FKBP9: variants seen among roughly 807,000 people sequenced by gnomAD.
FKBP9 encodes the protein FKBP prolyl isomerase 9, also known as peptidyl-prolyl cis-trans isomerase FKBP9.
Under a neutral mutation model 55.6 loss-of-function variants are expected in FKBP9, and 27 were observed. The ratio of observed to expected loss-of-function variants is 0.49; its 90% CI spans 0.36 to 0.67. FKBP9 has a LOEUF of 0.67. FKBP9 is among the 30% of genes least tolerant of loss of function. The pLI, the probability that FKBP9 is intolerant of heterozygous loss-of-function variation, is 0.00. For synonymous variants in FKBP9, 267 were observed against 296.5 expected (o/e 0.90, Z 1.02); for missense variants, 539 against 742.8 (o/e 0.73, Z 3.19).
chr7:32,997,399 G>C (rs1784839068), intron 7 of FKBP9, among the ~76,000 whole-genome samples: 2 of 150,416 alleles, frequency 1.3e-5, no homozygotes, highest in Admixed American at 6.6e-5. Context: ...TTTTTTTAGA[G>C]ATGGGGGGGG....
Position 32,974,616 on chromosome 7 carries a change from G to T in FKBP9, c.222-1G>T. 1 of 1,613,090 alleles carries T rather than the reference G, an allele frequency of 6.2e-7. No homozygotes were observed. The highest frequency in any genetic ancestry group is 8.5e-7 in the Non-Finnish European group (1 of 1,179,398). On this transcript the variant is annotated splice_acceptor_variant, in intron 1 of 9. Coordinates refer to ENST00000242209, the MANE Select transcript of FKBP9 (RefSeq NM_007270.5). LOFTEE classifies it high-confidence loss of function. The stretch of plus-strand genomic sequence containing the variant: ...TCTTTCCCTACCCTTTGGGCCTTCA[G>T]CTATGACAGAGACTCCACTTTCAAT...
chr7:32,997,304 T>A (rs1784835805), intron 7 of FKBP9, among the ~76,000 whole-genome samples: 1 of 152,168 alleles, frequency 6.6e-6, no homozygotes, highest in African/African-American at 2.4e-5. Context: ...ACTCCTGGGT[T>A]CAGGTGATCC....
rs1183694418 is a variant in FKBP9, at chr7:32,977,795, A to ATACT, written c.703+1298_703+1299insCTTA. 7.2e-3 allele frequency among the ~76,000 whole-genome samples: 1,051 copies of ATACT among 145,538 alleles called. 18 individuals carry two copies. The highest frequency in any genetic ancestry group is 0.025 in the African/African-American group (1,005 of 39,628). On this transcript the variant is annotated intron_variant, in intron 4 of 9. Transcript: ENST00000242209. ...CTCTCCTTTCTATCTCCATATATAT[A>ATACT]TATATACTTATATATATATATGTAT...
intron 6 of FKBP9, chr7:32,988,929 G>C (rs941300250): frequency 4.7e-5 from 12 of 257,548 alleles, no homozygotes; most frequent in African/African-American, 2.6e-4. Flanking sequence ...TGAAGCTAAA[G>C]TCCAGCTTAA....
chr7:32,965,826 T>TATATGTGTACAC (rs60525751), intron 1 of FKBP9, among the ~76,000 whole-genome samples: 453 of 33,294 alleles, frequency 0.014, 17 homozygotes, highest in African/African-American at 0.051. Context: ...TATATATATA[T>TATATGTGTACAC]ATATATATAT....
At chr7:32,980,917 A>G (rs1583855451) in intron 5 of FKBP9, among the ~76,000 whole-genome samples, 1 of 151,208 alleles carries the variant, frequency 6.6e-6, no homozygotes, top group Admixed American at 6.6e-5. Flanking sequence ...TATTTTTTGT[A>G]GAGATGGGCT....
At chr7:32,974,027 T>C (rs1784307585) in intron 1 of FKBP9, among the ~76,000 whole-genome samples, 1 of 151,482 alleles carries the variant, frequency 6.6e-6, no homozygotes. Flanking sequence ...TTTATTTTAT[T>C]TTTTGAGACT....
chr7:32,992,991 A>C (rs949802175), intron 6 of FKBP9: 2 of 231,520 alleles, frequency 8.6e-6, no homozygotes, highest in Admixed American at 5.6e-5. Context: ...CGACCTCTAC[A>C]CTGGTTGGAA....
intron 5 of FKBP9, among the ~76,000 whole-genome samples, chr7:32,987,772 T>A (rs1290040254): frequency 1.3e-5 from 2 of 152,154 alleles, no homozygotes; most frequent in Non-Finnish European, 2.9e-5. Flanking sequence ...TAGCTGGGAC[T>A]ATAGGTGTGT....
Position 33,005,719 on chromosome 7 carries a change from G to T in FKBP9, c.*368G>T, listed in dbSNP as rs1212230141. The T allele has an allele frequency of 4.0e-6, 1 of 249,302 alleles. No homozygotes were observed. Among genetic ancestry groups the T allele is most frequent in the Non-Finnish European group, 7.8e-6 (1 of 128,340 alleles). The allele number at this position is 249,302 out of a possible 1,614,324, so 15.4% of individuals were successfully genotyped here. ...GGAACCATAAGAAAAGGTGTCCAGG[G>T]TATCTATATAAAGAGGGTTAAATTT... is the stretch of plus-strand genomic sequence containing the variant. On this transcript the variant is annotated 3_prime_UTR_variant, in exon 10 of 10. Coordinates refer to ENST00000242209, the MANE Select transcript of FKBP9 (RefSeq NM_007270.5).
chr7:32,972,827 A>T (rs954043402), intron 1 of FKBP9, among the ~76,000 whole-genome samples: 2 of 152,110 alleles, frequency 1.3e-5, no homozygotes, highest in African/African-American at 4.8e-5. Context: ...GGTTCAAGCA[A>T]TGCTTGTACC....
chr7:32,957,871 G>A, intron 1 of FKBP9, 77 bp downstream of exon 1: 1 of 1,126,228 alleles, frequency 8.9e-7, no homozygotes, highest in Admixed American at 4.0e-5. Context: ...CCCTCCTGCC[G>A]GACCTCCCCT....
chr7:32,988,799 G>T lies in FKBP9; in HGVS notation c.1039+147G>T, dbSNP rs922787486. On this transcript the variant is annotated intron_variant, in intron 6 of 9. Coordinates refer to ENST00000242209, the MANE Select transcript of FKBP9 (RefSeq NM_007270.5). ...CTGGAAAGTGTAGTGTGTGATCATC[G>T]TGTACTATGGCCTGGAACTCTTGGC... 20 of 748,320 alleles carry T rather than the reference G, an allele frequency of 2.7e-5. No homozygotes were observed. The East Asian group carries it at 5.0e-4, about 19-fold the overall frequency. 46.4% of individuals were successfully genotyped at this position (748,320 alleles called of 1,614,324 possible).
chr7:32,967,792 T>C (rs2392173), intron 1 of FKBP9, among the ~76,000 whole-genome samples: 1 of 152,166 alleles, frequency 6.6e-6, no homozygotes, highest in African/African-American at 2.4e-5. Flanking sequence ...TTCGCTCTTA[T>C]TGCCTGGGCT....
At chr7:32,996,732 T>C (rs868356589) in intron 7 of FKBP9, among the ~76,000 whole-genome samples, 15 of 130,530 alleles carry the variant, frequency 1.1e-4, no homozygotes, top group Non-Finnish European at 2.1e-4. Context: ...TTTTCCTTCC[T>C]TCCTTCCTTT....
chr7:32,957,701 T>C lies in FKBP9; in HGVS notation c.128T>C (p.Val43Ala). The C allele has an allele frequency of 1.3e-6, 2 of 1,541,338 alleles. No homozygotes were observed. Among genetic ancestry groups the C allele is most frequent in the Non-Finnish European group, 1.7e-6 (2 of 1,153,238 alleles). Residue 43 changes from valine (V) to alanine (A), a missense_variant, in exon 1 of 10, where the codon GTG (valine) becomes GCG (alanine). Coordinates refer to ENST00000242209, the MANE Select transcript of FKBP9 (RefSeq NM_007270.5). ...DAELQIERRF[V>A]PDECPRTVRS... Reference sequence around the variant, plus strand: ...GAGCTGCAGATCGAGCGGCGCTTCGTGCCCGACGAGTGCCCGCGCACCGTG... The same window carrying C: ...GAGCTGCAGATCGAGCGGCGCTTCGCGCCCGACGAGTGCCCGCGCACCGTG...
intron 5 of FKBP9, 146 bp downstream of exon 5, chr7:32,980,699 T>A (rs764747400): frequency 9.1e-6 from 12 of 1,313,454 alleles, no homozygotes; most frequent in Non-Finnish European, 1.2e-5. Context: ...TTTCTGATAC[T>A]TAGTTCTTTC....
chr7:32,996,106 G>T (rs1396746757), intron 6 of FKBP9, 57 bp from the exon 7 acceptor site: 1 of 1,529,632 alleles, frequency 6.5e-7, no homozygotes, highest in East Asian at 2.2e-5. Flanking sequence ...CACTGGGGAG[G>T]CCCATGTGCT....
chr7:33,004,068 C>T (rs1014309785), intron 9 of FKBP9, among the ~76,000 whole-genome samples: 1 of 152,098 alleles, frequency 6.6e-6, no homozygotes, highest in Non-Finnish European at 1.5e-5. Flanking sequence ...CGAGAGCACT[C>T]GGTGATCTCT....
Sources: gnomAD v4.1 joint callset for allele counts (sites outside exome capture counted in the v4.1 genomes callset) on GRCh38, gnomAD v4.1.1 for gene constraint, MANE v1.5 for transcripts, NCBI Gene and HGNC (gene_info 2026-07-23, HGNC 2026-07-21) for gene names.